THSD7B: variants seen among roughly 807,000 people sequenced by gnomAD.
THSD7B encodes thrombospondin type-1 domain-containing protein 7B.
In THSD7B, 138 loss-of-function variants were observed where a neutral mutation model predicts 213.6. That is an observed-to-expected ratio of 0.65 (90% CI 0.56 to 0.74). THSD7B has a LOEUF of 0.74. THSD7B is among the 30% of genes least tolerant of loss of function. The pLI is 0.00. For missense variants in THSD7B, 1,931 were observed against 1,991.5 expected (o/e 0.97, Z 0.58); for synonymous variants, 742 against 687.0 (o/e 1.08, Z -1.25).
chr2:137,288,669 G>A (rs1277876639), intron 12 of THSD7B, among the ~76,000 whole-genome samples: 1 of 151,976 alleles, frequency 6.6e-6, no homozygotes, highest in Non-Finnish European at 1.5e-5. Context: ...TTAGGCCAAT[G>A]AGAATAGGAT....
At chr2:137,637,660 C>A (rs966634361) in intron 20 of THSD7B, among the ~76,000 whole-genome samples, 5 of 151,300 alleles carry the variant, frequency 3.3e-5, no homozygotes, top group Non-Finnish European at 1.5e-5. Context: ...GTAATAGCAT[C>A]ATTTTTTTCT....
At chr2:137,523,160 T>A (rs1309487684) in intron 15 of THSD7B, among the ~76,000 whole-genome samples, 2 of 111,908 alleles carry the variant, frequency 1.8e-5, no homozygotes, top group East Asian at 4.3e-4. Context: ...AGTGTTCTGA[T>A]TATAGGTTGC....
intron 10 of THSD7B, among the ~76,000 whole-genome samples, chr2:137,260,650 A>G (rs369679623): frequency 2.0e-5 from 3 of 152,202 alleles, no homozygotes; most frequent in Non-Finnish European, 4.4e-5. Context: ...CTGTAGTCCC[A>G]GCTACTCTGG....
Position 137,411,495 on chromosome 2 carries a change from A to G in THSD7B, c.2696-114A>G, listed in dbSNP as rs375837117. 1,019 of 1,036,074 alleles carry G rather than the reference A, an allele frequency of 9.8e-4. 6 individuals are homozygous for G. In the African/African-American group the frequency reaches 0.015, roughly 15 times the overall value. 64.2% of individuals were successfully genotyped at this position (1,036,074 alleles called of 1,614,324 possible). A position where few individuals can be genotyped will look rare whatever the true frequency, so the allele number is the denominator to read the frequency against. On this transcript the variant is annotated intron_variant, in intron 13 of 27. Coordinates refer to ENST00000409968, the MANE Select transcript of THSD7B (RefSeq NM_001316349.2). ...CTTTCATGACAAAAGAGTGAAGAAA[A>G]CAAAGGCTTTATTTTATTTAATATT...
chr2:137,548,751 C>A (rs1680787379), intron 15 of THSD7B, among the ~76,000 whole-genome samples: 1 of 151,936 alleles, frequency 6.6e-6, no homozygotes, highest in Non-Finnish European at 1.5e-5. Flanking sequence ...TTAAGTTAAC[C>A]CTAACTAGGG....
intron 9 of THSD7B, among the ~76,000 whole-genome samples, chr2:137,233,513 C>A (rs182448541): frequency 6.6e-6 from 1 of 152,262 alleles, no homozygotes; most frequent in East Asian, 1.9e-4. Context: ...AGGGTTGTGT[C>A]TTACTCTTCT....
intron 15 of THSD7B, among the ~76,000 whole-genome samples, chr2:137,529,699 A>C (rs934894525): frequency 1.1e-4 from 17 of 151,834 alleles, no homozygotes; most frequent in African/African-American, 3.9e-4. Context: ...AAGCTTTTTA[A>C]TAAGATTATG....
intron 12 of THSD7B, among the ~76,000 whole-genome samples, chr2:137,310,232 A>C (rs1284833496): frequency 1.3e-5 from 2 of 151,546 alleles, no homozygotes; most frequent in African/African-American, 2.4e-5. Context: ...TGTGGTTTTG[A>C]TTTTCATTTC....
At chr2:137,584,655 T>A (rs1681673747) in intron 17 of THSD7B, among the ~76,000 whole-genome samples, 1 of 152,238 alleles carries the variant, frequency 6.6e-6, no homozygotes, top group South Asian at 2.1e-4. Flanking sequence ...TTTGTGTATG[T>A]TGAACCAGCC....
chr2:137,168,592 T>A (rs1680178946), intron 6 of THSD7B, among the ~76,000 whole-genome samples: 1 of 152,200 alleles, frequency 6.6e-6, no homozygotes, highest in Admixed American at 6.5e-5. Context: ...GGATGCAACT[T>A]GATTTATGGA....
intron 15 of THSD7B, among the ~76,000 whole-genome samples, chr2:137,480,458 C>A (rs1003990434): frequency 6.6e-6 from 1 of 152,152 alleles, no homozygotes; most frequent in Non-Finnish European, 1.5e-5. Flanking sequence ...GAAATGCCAA[C>A]ATAAGACATC....
intron 15 of THSD7B, among the ~76,000 whole-genome samples, chr2:137,459,788 G>A (rs1237954281): frequency 6.6e-6 from 1 of 152,118 alleles, no homozygotes; most frequent in Non-Finnish European, 1.5e-5. Flanking sequence ...AAAAATCACT[G>A]GGATTGGGAG....
intron 2 of THSD7B, among the ~76,000 whole-genome samples, chr2:137,013,340 G>T (rs1027615165): frequency 6.6e-6 from 1 of 152,172 alleles, no homozygotes; most frequent in African/African-American, 2.4e-5. Context: ...CCTCAGTTTG[G>T]AGAGTTTCCA....
chr2:137,494,990 G>A (rs1399125323), intron 15 of THSD7B, among the ~76,000 whole-genome samples: 1 of 152,032 alleles, frequency 6.6e-6, no homozygotes, highest in Non-Finnish European at 1.5e-5. Flanking sequence ...ACACCACACA[G>A]AGTGCTACTT....
intron 1 of THSD7B, among the ~76,000 whole-genome samples, chr2:136,871,231 G>A (rs1683426566): frequency 6.6e-6 from 1 of 152,152 alleles, no homozygotes; most frequent in Non-Finnish European, 1.5e-5. Flanking sequence ...TAAGGTGTGA[G>A]TTCAGGGGCG....
chr2:137,071,477 A>G (rs927004273), intron 3 of THSD7B, among the ~76,000 whole-genome samples: 2 of 152,028 alleles, frequency 1.3e-5, no homozygotes, highest in South Asian at 2.1e-4. Flanking sequence ...AGATGAGTAG[A>G]TTGCAAAAAT....
At chr2:137,391,431 G>C (rs1250897753) in intron 12 of THSD7B, among the ~76,000 whole-genome samples, 1 of 152,058 alleles carries the variant, frequency 6.6e-6, no homozygotes, top group Non-Finnish European at 1.5e-5. Flanking sequence ...GCTCATGCCT[G>C]TAATCCCAGC....
chr2:137,538,662 G>T lies in THSD7B; in HGVS notation c.3139-24559G>T, dbSNP rs1041747944. 5.9e-5 allele frequency among the ~76,000 whole-genome samples: 9 copies of T among 151,616 alleles called. 1 individual carries two copies. The highest frequency in any genetic ancestry group is 1.5e-5 in the Non-Finnish European group (1 of 67,754). On this transcript the variant is annotated intron_variant, in intron 15 of 27. Coordinates refer to ENST00000409968, the MANE Select transcript of THSD7B (RefSeq NM_001316349.2). ...CCATAGAAGAGTCACTTTCTCAAACGTTGCTGTTGAATGAATTCCTTTATT... is the reference window on the plus strand; with the variant it reads ...CCATAGAAGAGTCACTTTCTCAAACTTTGCTGTTGAATGAATTCCTTTATT...
At chr2:137,099,412 C>A (rs1016720327) in intron 4 of THSD7B, among the ~76,000 whole-genome samples, 85 of 152,076 alleles carry the variant, frequency 5.6e-4, no homozygotes, top group Non-Finnish European at 7.4e-5. Flanking sequence ...AGACAAAGAA[C>A]GTAGAGCTGT....
Sources: gnomAD v4.1 joint callset for allele counts (sites outside exome capture counted in the v4.1 genomes callset) on GRCh38, gnomAD v4.1.1 for gene constraint, MANE v1.5 for transcripts, NCBI Gene and HGNC (gene_info 2026-07-23, HGNC 2026-07-21) for gene names.